SORCS3: variants seen among roughly 807,000 people sequenced by gnomAD.
SORCS3 encodes sortilin related VPS10 domain containing receptor 3, also known as VPS10 domain-containing receptor SorCS3.
In SORCS3, 57 loss-of-function variants were observed where a neutral mutation model predicts 146.3. The ratio of observed to expected loss-of-function variants is 0.39; its 90% CI spans 0.31 to 0.49. The LOEUF (loss-of-function observed/expected upper bound fraction) is 0.49, where lower values mean the gene tolerates loss of function less well. Among genes scored for constraint, SORCS3 ranks in the 20% least tolerant of loss-of-function variants. The probability of loss-of-function intolerance (pLI) is 0.92; values close to 1 mark genes in which losing one functional copy is unlikely to be tolerated. For missense variants in SORCS3, 1,341 were observed against 1,575.5 expected, an observed-to-expected ratio of 0.85 and a Z score of 2.52; for synonymous variants, 653 against 618.5, an observed-to-expected ratio of 1.06 and a Z score of -0.83.
At position 105,182,230 on chromosome 10, in the gene SORCS3, C is replaced by CTTTTTTTTTTTTTTTTTTTTTT. The variant is rs11340368; in HGVS notation, c.2009+4059_2009+4080dup. 9.1e-4 allele frequency among the ~76,000 whole-genome samples: 64 copies of CTTTTTTTTTTTTTTTTTTTTTT among 70,472 alleles called. 5 individuals carry two copies. Among genetic ancestry groups the CTTTTTTTTTTTTTTTTTTTTTT allele is most frequent in the Admixed American group, 1.3e-3 (7 of 5,218 alleles). 46.2% of individuals were successfully genotyped at this position (70,472 alleles called of 152,430 possible). On this transcript the variant is annotated intron_variant, in intron 14 of 26. Coordinates refer to ENST00000369701, the MANE Select transcript of SORCS3 (RefSeq NM_014978.3). ...CAGCCAACTTGTGACTATTCAGCAT[C>CTTTTTTTTTTTTTTTTTTTTTT]TTTTTTTTTTTTTTTTTTTTTTTGT...
chr10:104,936,199 T>A (rs927837833), intron 3 of SORCS3, among the ~76,000 whole-genome samples: 1 of 152,180 alleles, frequency 6.6e-6, no homozygotes, highest in Non-Finnish European at 1.5e-5. Context: ...TGTGTATTGA[T>A]ATGGAAAGCT....
intron 14 of SORCS3, among the ~76,000 whole-genome samples, chr10:105,193,089 G>A (rs1021645170): frequency 6.6e-5 from 10 of 151,970 alleles, no homozygotes; most frequent in South Asian, 2.1e-4. Flanking sequence ...TTTGTGAACC[G>A]CCTCCCTCCC....
At chr10:104,998,785 A>G (rs2055041631) in intron 4 of SORCS3, among the ~76,000 whole-genome samples, 1 of 152,146 alleles carries the variant, frequency 6.6e-6, no homozygotes, top group South Asian at 2.1e-4. Context: ...CCAGTGGAGA[A>G]TCATCGGCCC....
chr10:104,694,265 AG>A (rs1220464484), intron 1 of SORCS3, among the ~76,000 whole-genome samples: 3 of 151,626 alleles, frequency 2.0e-5, no homozygotes, highest in Non-Finnish European at 4.4e-5. Context: ...TCTCTGAGAC[AG>A]GCCCCTGAGT....
chr10:105,191,316 C>G (rs2056515685), intron 14 of SORCS3, among the ~76,000 whole-genome samples: 1 of 151,870 alleles, frequency 6.6e-6, no homozygotes, highest in Admixed American at 6.6e-5. Flanking sequence ...GGAAAAGAAG[C>G]AAGGAGGAAA....
At chr10:104,927,700 G>A (rs955242102) in intron 3 of SORCS3, among the ~76,000 whole-genome samples, 5 of 147,664 alleles carry the variant, frequency 3.4e-5, no homozygotes, top group Non-Finnish European at 5.9e-5. Flanking sequence ...CCAACATGGT[G>A]AAACCAAGTC....
intron 1 of SORCS3, among the ~76,000 whole-genome samples, chr10:104,648,874 C>T (rs1032389922): frequency 1.3e-5 from 2 of 152,112 alleles, no homozygotes; most frequent in Non-Finnish European, 2.9e-5. Context: ...TGCAGGGAAT[C>T]AGAGGAAGCC....
intron 1 of SORCS3, 73 bp from the exon 2 acceptor site, chr10:104,842,719 A>G: frequency 1.7e-6 from 2 of 1,186,152 alleles, no homozygotes; most frequent in South Asian, 1.2e-5. Context: ...ATATTGTTAC[A>G]CAAACTAAAG....
At chr10:104,844,911 G>A (rs747296306) in intron 2 of SORCS3, among the ~76,000 whole-genome samples, 18 of 152,190 alleles carry the variant, frequency 1.2e-4, no homozygotes, top group Non-Finnish European at 2.2e-4. Flanking sequence ...CTGGGAGTTA[G>A]GATGGGGACA....
At chr10:105,130,668 C>T (rs1347775140) in intron 7 of SORCS3, among the ~76,000 whole-genome samples, 1 of 152,048 alleles carries the variant, frequency 6.6e-6, no homozygotes, top group Non-Finnish European at 1.5e-5. Context: ...TATTTGGGGG[C>T]TATTATGTTA....
chr10:104,938,469 AC>A (rs921916920), intron 3 of SORCS3, among the ~76,000 whole-genome samples: 1 of 151,930 alleles, frequency 6.6e-6, no homozygotes, highest in African/African-American at 2.4e-5. Flanking sequence ...ATACTCTTTG[AC>A]CTTTTTTGAA....
At chr10:105,207,124 A>G (rs924670111) in intron 16 of SORCS3, among the ~76,000 whole-genome samples, 1 of 152,038 alleles carries the variant, frequency 6.6e-6, no homozygotes, top group Non-Finnish European at 1.5e-5. Flanking sequence ...AGGGATCAGG[A>G]GTCTCCATTA....
intron 2 of SORCS3, among the ~76,000 whole-genome samples, chr10:104,878,833 T>C (rs549922606): frequency 3.3e-5 from 5 of 152,284 alleles, no homozygotes; most frequent in African/African-American, 1.2e-4. Context: ...TTGCACGATG[T>C]GTTGGATGTT....
At chr10:104,885,156 A>C (rs1388509271) in intron 2 of SORCS3, among the ~76,000 whole-genome samples, 1 of 152,184 alleles carries the variant, frequency 6.6e-6, no homozygotes, top group Non-Finnish European at 1.5e-5. Context: ...CTGCTCACCC[A>C]CACAGGGAGC....
chr10:104,944,311 A>G (rs1408462312), intron 3 of SORCS3, among the ~76,000 whole-genome samples: 1 of 152,192 alleles, frequency 6.6e-6, no homozygotes, highest in African/African-American at 2.4e-5. Flanking sequence ...ATGGGCAAAG[A>G]TTTCTTATAT....
At chr10:105,258,500 C>T (rs1274517834) in intron 25 of SORCS3, among the ~76,000 whole-genome samples, 2 of 152,162 alleles carry the variant, frequency 1.3e-5, no homozygotes, top group East Asian at 3.9e-4. Flanking sequence ...ATCTCTGACT[C>T]CCAGAGCAGC....
chr10:104,725,917 C>A (rs531994192), intron 1 of SORCS3, among the ~76,000 whole-genome samples: 1 of 152,240 alleles, frequency 6.6e-6, no homozygotes, highest in South Asian at 2.1e-4. Context: ...TGACCCCTTG[C>A]GCTTCCCGGG....
At chr10:105,191,833 A>G (rs2056518883) in intron 14 of SORCS3, among the ~76,000 whole-genome samples, 1 of 152,212 alleles carries the variant, frequency 6.6e-6, no homozygotes, top group African/African-American at 2.4e-5. Context: ...GACAGAGTTC[A>G]GGCAGTAATG....
chr10:104,781,353 G>A (rs1271144054), intron 1 of SORCS3, among the ~76,000 whole-genome samples: 1 of 152,224 alleles, frequency 6.6e-6, no homozygotes. Flanking sequence ...ATCACAGAAT[G>A]TTATGTATTT....
Sources: allele counts gnomAD v4.1 joint callset (sites outside exome capture counted in the v4.1 genomes callset), GRCh38; gene constraint gnomAD v4.1.1; transcripts MANE v1.5; gene names NCBI Gene and HGNC (gene_info 2026-07-23, HGNC 2026-07-21).